UTRN: variants seen among roughly 807,000 people sequenced by gnomAD.
The protein encoded by UTRN is dystrophin-related protein 1.
In UTRN, 283 loss-of-function variants were observed where a neutral mutation model predicts 463.9. The observed-to-expected ratio is 0.61, with a 90% CI of 0.55 to 0.67. The LOEUF is 0.67. Among genes scored for constraint, UTRN ranks in the 30% least tolerant of loss-of-function variants. The pLI, the probability that UTRN is intolerant of heterozygous loss-of-function variation, is 0.00. For synonymous variants in UTRN, 1,442 were observed against 1,431.5 expected (o/e 1.01, Z -0.17); for missense variants, 3,922 against 4,084.3 (o/e 0.96, Z 1.08).
chr6:144,617,466 C>A (rs1806254506), intron 51 of UTRN, among the ~76,000 whole-genome samples: 1 of 152,178 alleles, frequency 6.6e-6, no homozygotes, highest in African/African-American at 2.4e-5. Flanking sequence ...TTCCTCTTGG[C>A]AGCTTCAGCA....
intron 51 of UTRN, among the ~76,000 whole-genome samples, chr6:144,642,964 T>A (rs185489285): frequency 7.0e-4 from 106 of 152,346 alleles, no homozygotes; most frequent in Admixed American, 6.9e-3. Context: ...CCATGGAGTT[T>A]ATCAGAATCC....
intron 58 of UTRN, among the ~76,000 whole-genome samples, chr6:144,764,501 A>G (rs547305385): frequency 1.3e-5 from 2 of 152,308 alleles, no homozygotes; most frequent in African/African-American, 4.8e-5. Flanking sequence ...TAGTGACACC[A>G]TCAGCCTTAC....
chr6:144,651,306 T>C (rs1413553138), intron 51 of UTRN, among the ~76,000 whole-genome samples: 1 of 152,114 alleles, frequency 6.6e-6, no homozygotes, highest in Non-Finnish European at 1.5e-5. Flanking sequence ...TAAATCTCAA[T>C]AAATTTGTGT....
At chr6:144,510,660 A>C (rs747632979) in intron 34 of UTRN, among the ~76,000 whole-genome samples, 8 of 152,262 alleles carry the variant, frequency 5.3e-5, no homozygotes, top group Admixed American at 1.3e-4. Context: ...ATATGTAATA[A>C]ATGGATTTAT....
chr6:144,396,141 C>A (rs1782384844), intron 2 of UTRN, among the ~76,000 whole-genome samples: 1 of 152,098 alleles, frequency 6.6e-6, no homozygotes, highest in South Asian at 2.1e-4. Flanking sequence ...CATCTTTAGA[C>A]AAATGGATAA....
At chr6:144,487,802 G>A (rs1792619306) in intron 29 of UTRN, 105 bp downstream of exon 29, 3 of 1,153,596 alleles carry the variant, frequency 2.6e-6, no homozygotes, top group Non-Finnish European at 3.5e-6. Context: ...CTTTAATGTT[G>A]GTTAAAGTTG....
At chr6:144,347,858 T>TTTTTTTTTTTTTTTTTTTTA in intron 2 of UTRN, among the ~76,000 whole-genome samples, 1 of 150,184 alleles carries the variant, frequency 6.7e-6, no homozygotes, top group African/African-American at 2.5e-5. Context: ...TTGTTTTTTT[T>TTTTTTTTTTTTTTTTTTTTA]TTTGAGACTA....
intron 42 of UTRN, 114 bp from the exon 43 acceptor site, chr6:144,532,971 C>A: frequency 1.9e-6 from 1 of 520,106 alleles, no homozygotes; most frequent in South Asian, 3.9e-5. Context: ...AAATATCTTT[C>A]CAGGAGTTTG....
chr6:144,749,809 T>C (rs1033929886), intron 55 of UTRN, among the ~76,000 whole-genome samples: 3 of 152,202 alleles, frequency 2.0e-5, no homozygotes, highest in Admixed American at 1.3e-4. Flanking sequence ...TTTGAATTTC[T>C]TTTTTGTTCC....
chr6:144,726,600 T>G (rs1287415740), intron 53 of UTRN, among the ~76,000 whole-genome samples: 4 of 152,182 alleles, frequency 2.6e-5, no homozygotes, highest in African/African-American at 9.6e-5. Flanking sequence ...AAATGTCACC[T>G]CTTTTGCATA....
chr6:144,320,982 A>G (rs563733375), intron 2 of UTRN, among the ~76,000 whole-genome samples: 3 of 152,352 alleles, frequency 2.0e-5, no homozygotes, highest in African/African-American at 7.2e-5. Context: ...CTCGCTGTGC[A>G]GCAGTGGCTC....
intron 2 of UTRN, among the ~76,000 whole-genome samples, chr6:144,345,017 C>T (rs142243094): frequency 1.3e-5 from 2 of 152,118 alleles, no homozygotes; most frequent in African/African-American, 2.4e-5. Context: ...GGAAAAACCC[C>T]AAGTGATGTG....
At chr6:144,671,685 C>T (rs781478676) in intron 51 of UTRN, among the ~76,000 whole-genome samples, 1 of 152,058 alleles carries the variant, frequency 6.6e-6, no homozygotes, top group Non-Finnish European at 1.5e-5. Context: ...CTAGGACTTC[C>T]AGTGCTATGT....
intron 54 of UTRN, among the ~76,000 whole-genome samples, chr6:144,732,438 G>A (rs1030225693): frequency 6.6e-6 from 1 of 151,704 alleles, no homozygotes; most frequent in Non-Finnish European, 1.5e-5. Context: ...ACTTTTGGTA[G>A]CATTGGTCCC....
At chr6:144,334,159 C>T (rs1166692067) in intron 2 of UTRN, among the ~76,000 whole-genome samples, 1 of 152,078 alleles carries the variant, frequency 6.6e-6, no homozygotes, top group Admixed American at 6.6e-5. Context: ...GTTTCTGTGC[C>T]TGGGCTCTTT....
intron 35 of UTRN, among the ~76,000 whole-genome samples, chr6:144,513,549 A>G (rs1019523326): frequency 6.6e-6 from 1 of 152,196 alleles, no homozygotes; most frequent in African/African-American, 2.4e-5. Context: ...ACTCCATCTC[A>G]AAAGAAAAAA....
chr6:144,477,791 CTG>C (rs1380369401), intron 25 of UTRN, among the ~76,000 whole-genome samples: 1 of 152,058 alleles, frequency 6.6e-6, no homozygotes, highest in Non-Finnish European at 1.5e-5. Context: ...CCTTAAGGAA[CTG>C]GGGTTTTTGA....
intron 40 of UTRN, 86 bp downstream of exon 40, chr6:144,522,257 C>A: frequency 9.1e-7 from 1 of 1,101,260 alleles, no homozygotes; most frequent in Non-Finnish European, 1.2e-6. Context: ...CTTAGATGGT[C>A]TATATCTTTT....
chr6:144,480,076 T>C (rs781573376), intron 26 of UTRN, 94 bp downstream of exon 26: 4 of 1,400,134 alleles, frequency 2.9e-6, no homozygotes, highest in Admixed American at 2.4e-5. Flanking sequence ...TCAAACACTA[T>C]GTGCATGTAG....
Sources: gnomAD v4.1 joint callset for allele counts (sites outside exome capture counted in the v4.1 genomes callset) on GRCh38, gnomAD v4.1.1 for gene constraint, MANE v1.5 for transcripts, NCBI Gene and HGNC (gene_info 2026-07-23, HGNC 2026-07-21) for gene names.